Variants in NISCH observed in about 807,000 individuals in gnomAD.
The protein encoded by NISCH is nischarin, also known as I-1 receptor candidate protein.
NISCH carries 55 observed loss-of-function variants against 138.4 expected under a neutral mutation model. The observed-to-expected ratio is 0.40, with a 90% CI of 0.32 to 0.50. The LOEUF (loss-of-function observed/expected upper bound fraction) is 0.50. Ranked by LOEUF, NISCH falls within the 20% of genes least tolerant of loss-of-function variation. NISCH has a pLI of 0.71. For missense variants in NISCH, 1,643 were observed against 2,005.5 expected (o/e 0.82, Z 3.45); for synonymous variants, 860 against 861.5 (o/e 1.00, Z 0.03).
intron 3 of NISCH, among the ~76,000 whole-genome samples, chr3:52,467,730 T>C (rs1034146377): frequency 2.0e-5 from 3 of 152,242 alleles, no homozygotes; most frequent in African/African-American, 2.4e-5. Flanking sequence ...CTCTCAACTT[T>C]CCATGTGTTC....
At chr3:52,470,972 G>A (rs973034010) in intron 4 of NISCH, 65 bp downstream of exon 4, 4 of 1,541,958 alleles carry the variant, frequency 2.6e-6, no homozygotes, top group Middle Eastern at 1.7e-4. Flanking sequence ...GCGGCCAGAG[G>A]CACAGGATGG....
In NISCH at chr3:52,480,486, T is replaced by C. The variant is rs1395420812; in HGVS notation, c.1528+191T>C. 3.9e-6 allele frequency: 6 copies of C among 1,528,780 alleles called. No individual in the cohort carries two copies. In the East Asian group the frequency reaches 1.5e-4, roughly 37 times the overall value. 94.7% of individuals were successfully genotyped at this position (1,528,780 alleles called of 1,614,324 possible). A position where few individuals can be genotyped will look rare whatever the true frequency, so the allele number is the denominator to read the frequency against. On this transcript the variant is annotated intron_variant, in intron 13 of 20. Transcript: ENST00000345716. ...GGGGTGCCTGGCCTGATGCCAGCTG[T>C]TGCTTGCTTGGTGAGGACTCCCAAT... is the stretch of plus-strand genomic sequence containing the variant.
At chr3:52,463,120 C>G (rs1179057038) in intron 3 of NISCH, among the ~76,000 whole-genome samples, 1 of 152,226 alleles carries the variant, frequency 6.6e-6, no homozygotes, top group Non-Finnish European at 1.5e-5. Context: ...TCCCATCCCT[C>G]TGTCCCCCAG....
intron 3 of NISCH, among the ~76,000 whole-genome samples, chr3:52,460,186 C>CAAAAA (rs60865450): frequency 1.8e-5 from 1 of 56,196 alleles, no homozygotes; most frequent in Non-Finnish European, 3.0e-5. Context: ...GACTTCATCT[C>CAAAAA]AAAAAAAAAA....
chr3:52,485,588 G>A (rs1707380734), intron 14 of NISCH, among the ~76,000 whole-genome samples, 190 bp from the exon 15 acceptor site: 1 of 152,042 alleles, frequency 6.6e-6, no homozygotes, highest in Non-Finnish European at 1.5e-5. Context: ...ATAACCAAGT[G>A]GGTCTCTGCC....
intron 3 of NISCH, among the ~76,000 whole-genome samples, chr3:52,465,800 A>C (rs1012609392): frequency 1.3e-4 from 20 of 152,226 alleles, no homozygotes; most frequent in Non-Finnish European, 2.8e-4. Context: ...TGTGAGCTGG[A>C]GGCTGGTGAG....
intron 4 of NISCH, 45 bp from the exon 5 acceptor site, chr3:52,471,769 G>T: frequency 6.2e-7 from 1 of 1,609,378 alleles, no homozygotes. Context: ...CACGAGGGCT[G>T]GGGCTGCGGC....
intron 3 of NISCH, among the ~76,000 whole-genome samples, chr3:52,461,862 C>CAA (rs570499799): frequency 1.2e-4 from 7 of 56,418 alleles, no homozygotes; most frequent in Non-Finnish European, 1.9e-4. Flanking sequence ...GACTCCGTCA[C>CAA]AAAAAAAAAA....
intron 1 of NISCH, among the ~76,000 whole-genome samples, chr3:52,457,534 T>G (rs1325660930): frequency 1.3e-5 from 2 of 151,950 alleles, no homozygotes; most frequent in Non-Finnish European, 2.9e-5. Context: ...ACTAAAGAGG[T>G]GACTTGTGGT....
intron 11 of NISCH, 44 bp downstream of exon 11, chr3:52,478,621 A>C: frequency 6.3e-7 from 1 of 1,587,166 alleles, no homozygotes. Context: ...GACCTTCGGG[A>C]TGCAGTCAAG....
intron 13 of NISCH, chr3:52,481,865 A>G (rs1423040281): frequency 7.1e-6 from 7 of 985,386 alleles, no homozygotes; most frequent in Non-Finnish European, 8.4e-6. Context: ...ACTTCTGGAC[A>G]TGGCCTCCAG....
chr3:52,479,351 C>T (rs570012500), intron 11 of NISCH, among the ~76,000 whole-genome samples: 2 of 152,280 alleles, frequency 1.3e-5, no homozygotes, highest in East Asian at 3.9e-4. Context: ...CCAGGAGGCT[C>T]TCCCATCGCT....
intron 7 of NISCH, 108 bp downstream of exon 7, chr3:52,473,937 T>G (rs1707024046): frequency 1.6e-6 from 1 of 642,214 alleles, no homozygotes; most frequent in Non-Finnish European, 2.6e-6. Flanking sequence ...CTATCAGTAT[T>G]CAGAGGCTGG....
intron 3 of NISCH, among the ~76,000 whole-genome samples, chr3:52,467,581 C>G (rs1706823593): frequency 1.3e-5 from 2 of 152,242 alleles, no homozygotes; most frequent in African/African-American, 4.8e-5. Flanking sequence ...GAAAAACAGC[C>G]TGGAAAACCA....
intron 14 of NISCH, 92 bp from the exon 15 acceptor site, chr3:52,485,686 G>T: frequency 7.1e-7 from 1 of 1,408,070 alleles, no homozygotes; most frequent in Non-Finnish European, 9.8e-7. Context: ...CGGTGATGGA[G>T]GGCAGAATGC....
chr3:52,492,123 G>A lies in NISCH; in HGVS notation c.4156G>A (p.Asp1386Asn). The A allele has an allele frequency of 6.2e-7, 1 of 1,613,098 alleles. No individual in the cohort carries two copies. The highest frequency in any genetic ancestry group is 8.5e-7 in the Non-Finnish European group (1 of 1,180,026). ...CTCCGAGATCTTCCTCCTGGATGAG[G>A]ACTGTGTCCACTACCCACTGCCCGA... Reference protein sequence around the residue: ...TSSEIFLLDEDCVHYPLPEFA... With the variant: ...TSSEIFLLDENCVHYPLPEFA... Residue 1386 changes from aspartate (D) to asparagine (N), a missense_variant, in exon 21 of 21, where the codon GAC (aspartate) becomes AAC (asparagine). Asp to Asn is a conservative substitution (Grantham distance 23, BLOSUM62 1). Transcript: ENST00000345716.
chr3:52,490,555 C>T (rs750780572), intron 18 of NISCH, 150 bp from the exon 19 acceptor site: 1 of 1,120,890 alleles, frequency 8.9e-7, no homozygotes, highest in Non-Finnish European at 1.3e-6. Context: ...CTGGAAGAGG[C>T]TCCGACTCCA....
intron 3 of NISCH, among the ~76,000 whole-genome samples, chr3:52,465,985 G>T (rs1478972064): frequency 6.6e-6 from 1 of 152,228 alleles, no homozygotes; most frequent in African/African-American, 2.4e-5. Flanking sequence ...TTTAAAGTTA[G>T]TTGGCTAGAA....
intron 16 of NISCH, 85 bp from the exon 17 acceptor site, chr3:52,489,251 C>T: frequency 2.7e-6 from 4 of 1,471,996 alleles, no homozygotes; most frequent in Non-Finnish European, 3.7e-6. Context: ...GTGATGCACA[C>T]AGTCTCCTCA....
Sources: gnomAD v4.1 joint callset for allele counts (sites outside exome capture counted in the v4.1 genomes callset) on GRCh38, gnomAD v4.1.1 for gene constraint, MANE v1.5 for transcripts, NCBI Gene and HGNC (gene_info 2026-07-23, HGNC 2026-07-21) for gene names.